The following EEF1A2 variants were observed in gnomAD, a reference collection of about 807,000 sequenced individuals.
The protein encoded by EEF1A2 is eukaryotic translation elongation factor 1 alpha 2, also known as elongation factor 1-alpha 2.
Under a neutral mutation model 39.3 loss-of-function variants are expected in EEF1A2, and 5 were observed. That is an observed-to-expected ratio of 0.13 (90% CI 0.07 to 0.27). EEF1A2 has a LOEUF of 0.27. Ranked by LOEUF, EEF1A2 falls within the 10% of genes least tolerant of loss-of-function variation. EEF1A2 has a pLI of 1.00. For synonymous variants in EEF1A2, 287 were observed against 293.7 expected, an observed-to-expected ratio of 0.98 and a Z score of 0.23; for missense variants, 218 against 681.4, an observed-to-expected ratio of 0.32 and a Z score of 7.57.
intron 7 of EEF1A2, 45 bp downstream of exon 7, chr20:63,488,873 A>T: frequency 6.3e-7 from 1 of 1,591,140 alleles, no homozygotes; most frequent in Non-Finnish European, 8.6e-7. Flanking sequence ...AGCCTGGATC[A>T]GCCACAGCCT....
intron 2 of EEF1A2, 146 bp from the exon 3 acceptor site, chr20:63,496,181 G>A (rs955324373): frequency 1.1e-5 from 11 of 981,586 alleles, no homozygotes; most frequent in South Asian, 4.9e-5. Context: ...GTCCTGGGAC[G>A]CCGGCCCCCT....
rs2274861 is a variant in EEF1A2 at position 63,495,051 on chromosome 20, C to T, written c.375G>A (p.Ala125=). ...GCGTCTGCCCATTCTTGGAGATGCC[C>T]GCCTCGAACTCGCCCACGCCCGCCG... ...IVAAGVGEFE[A]GISKNGQTRE... The change falls in exon 4 of 8, where the codon GCG becomes GCA. Residue 125 remains alanine (A), a synonymous_variant. Coordinates refer to ENST00000217182, the MANE Select transcript of EEF1A2 (RefSeq NM_001958.5). 1,462 of 1,612,538 alleles carry T rather than the reference C, an allele frequency of 9.1e-4. 29 individuals carry two copies. The East Asian group carries it at 0.029, about 32-fold the overall frequency.
intron 7 of EEF1A2, 87 bp downstream of exon 7, chr20:63,488,831 C>G: frequency 2.1e-6 from 3 of 1,423,298 alleles, no homozygotes; most frequent in Non-Finnish European, 2.9e-6. Flanking sequence ...ACTGCTGTCC[C>G]CAGCGCCCCA....
intron 4 of EEF1A2, 45 bp downstream of exon 4, chr20:63,494,760 G>T (rs774577156): frequency 1.9e-6 from 3 of 1,576,902 alleles, no homozygotes; most frequent in Admixed American, 1.7e-5. Flanking sequence ...GGGCCAGGGG[G>T]TCCAGCCAGC....
At chr20:63,493,946 G>T (rs2082404202) in intron 4 of EEF1A2, among the ~76,000 whole-genome samples, 2 of 152,244 alleles carry the variant, frequency 1.3e-5, no homozygotes, top group South Asian at 4.1e-4. Flanking sequence ...TCCCTGGGGA[G>T]GGGAGAGTGG....
chr20:63,492,829 A>AAGGG (rs2082396788), intron 5 of EEF1A2, among the ~76,000 whole-genome samples: 1 of 62,486 alleles, frequency 1.6e-5, no homozygotes, highest in Admixed American at 1.2e-4. Context: ...TGGATGGGAC[A>AAGGG]ATGGATGGAT....
At chr20:63,494,526 T>C (rs967920765) in intron 4 of EEF1A2, among the ~76,000 whole-genome samples, 1 of 152,198 alleles carries the variant, frequency 6.6e-6, no homozygotes, top group African/African-American at 2.4e-5. Flanking sequence ...ATGGGCCTGG[T>C]GCTGGAGGCC....
chr20:63,496,397 C>A (rs767341895), intron 2 of EEF1A2: 41 of 266,924 alleles, frequency 1.5e-4, no homozygotes, highest in Non-Finnish European at 2.4e-4. Flanking sequence ...CAGATCCCTT[C>A]CTCAACCAGA....
In EEF1A2 at chr20:63,490,583, C is replaced by A; in HGVS notation, c.925G>T (p.Gly309Cys). 6.2e-7 allele frequency: 1 copy of A among 1,612,800 alleles called. No individual in the cohort carries two copies. Among genetic ancestry groups the A allele is most frequent in the Non-Finnish European group, 8.5e-7 (1 of 1,179,970 alleles). ...LSEALPGDNVGFNVKNVSVKD... is the reference protein window; with the variant it reads ...LSEALPGDNVCFNVKNVSVKD... ...ACCGACACGTTCTTCACATTGAAGC[C>A]GACGTTGTCGCCGGGCAGAGCTTCG... The change falls in exon 6 of 8, where the codon GGC (glycine) becomes TGC (cysteine). Residue 309 changes from glycine to cysteine, a missense_variant. By Grantham distance (159) the Gly-to-Cys change is radical. This residue lies in a region of EEF1A2 where 80 missense variants were observed against 295.9 expected (regional missense o/e 0.27). Transcript: ENST00000217182.
At chr20:63,490,458 G>A (rs1160370706) in intron 6 of EEF1A2, 21 bp downstream of exon 6, 1 of 1,600,058 alleles carries the variant, frequency 6.2e-7, no homozygotes, top group South Asian at 1.1e-5. Flanking sequence ...CCAGCCCCCT[G>A]GACCCAGCGC....
chr20:63,496,298 G>A, intron 2 of EEF1A2: 1 of 527,376 alleles, frequency 1.9e-6, no homozygotes, highest in Non-Finnish European at 3.4e-6. Flanking sequence ...CAAGGGCCTG[G>A]GAGTCGCTCG....
intron 5 of EEF1A2, among the ~76,000 whole-genome samples, chr20:63,492,856 G>GGATGGATGGGTGGGGA (rs1176354494): frequency 1.3e-5 from 2 of 149,398 alleles, no homozygotes; most frequent in Admixed American, 6.7e-5. Flanking sequence ...ATGGAGTGAA[G>GGATGGATGGGTGGGGA]GATGGATGGG....
chr20:63,491,917 GATAGATGGAT>G (rs2082383256), intron 5 of EEF1A2, among the ~76,000 whole-genome samples: 1 of 135,208 alleles, frequency 7.4e-6, no homozygotes. Context: ...TGGATGGGGG[GATAGATGGAT>G]GGATGGATGG....
intron 4 of EEF1A2, among the ~76,000 whole-genome samples, chr20:63,494,239 C>T (rs901986726): frequency 4.6e-5 from 7 of 152,236 alleles, no homozygotes; most frequent in South Asian, 2.1e-4. Flanking sequence ...AGTGTCTCCA[C>T]GCGTCACCTC....
chr20:63,494,681 C>T (rs774930924), intron 4 of EEF1A2, 124 bp downstream of exon 4: 117 of 1,345,872 alleles, frequency 8.7e-5, no homozygotes, highest in Admixed American at 1.5e-4. Context: ...CAGCAGGTTT[C>T]GAGGGGAACC....
At chr20:63,491,987 T>G (rs1407038281) in intron 5 of EEF1A2, among the ~76,000 whole-genome samples, 1 of 121,696 alleles carries the variant, frequency 8.2e-6, no homozygotes, top group African/African-American at 3.8e-5. Flanking sequence ...GATGGATGGA[T>G]GGATGGATGG....
chr20:63,489,253 G>T, intron 6 of EEF1A2, 101 bp from the exon 7 acceptor site: 3 of 1,192,898 alleles, frequency 2.5e-6, no homozygotes, highest in Non-Finnish European at 2.3e-6. Flanking sequence ...GCCCCTGCAC[G>T]GGCTCCTGGG....
In EEF1A2 at chr20:63,490,461, C is replaced by T. The variant is rs1363227207; in HGVS notation, c.1029+18G>A. On this transcript the variant is annotated intron_variant, in intron 6 of 7. Coordinates refer to ENST00000217182, the MANE Select transcript of EEF1A2 (RefSeq NM_001958.5). ...GTCCAGCAGGCGCCAGCCCCCTGGA[C>T]CCAGCGCAGCCCCCCACCTGGGAGG... 1 of 1,601,894 alleles carries T rather than the reference C, an allele frequency of 6.2e-7. No homozygotes were observed. The highest frequency in any genetic ancestry group is 8.5e-7 in the Non-Finnish European group (1 of 1,171,804).
At chr20:63,495,522 G>A (rs780945571) in intron 3 of EEF1A2, among the ~76,000 whole-genome samples, 5 of 152,174 alleles carry the variant, frequency 3.3e-5, no homozygotes, top group South Asian at 2.1e-4. Context: ...TACACCTGGC[G>A]GGTGGCACCT....
Sources: gnomAD v4.1 joint callset for allele counts (sites outside exome capture counted in the v4.1 genomes callset) on GRCh38, gnomAD v4.1.1 for gene constraint, gnomAD v4.1.1 regional missense constraint, MANE v1.5 for transcripts, NCBI Gene and HGNC (gene_info 2026-07-23, HGNC 2026-07-21) for gene names.